Variants in MED24 observed in about 807,000 individuals in gnomAD.
The protein encoded by MED24 is mediator of RNA polymerase II transcription subunit 24.
MED24 carries 74 observed loss-of-function variants against 118.8 expected under a neutral mutation model. That is an observed-to-expected ratio of 0.62 (90% CI 0.52 to 0.76). The LOEUF (loss-of-function observed/expected upper bound fraction) is 0.76, where lower values mean the gene tolerates loss of function less well. MED24 is among the 30% of genes least tolerant of loss of function. The pLI is 0.00. For missense variants in MED24, 1,041 were observed against 1,278.9 expected, an observed-to-expected ratio of 0.81 and a Z score of 2.84; for synonymous variants, 521 against 523.9, an observed-to-expected ratio of 0.99 and a Z score of 0.08.
At position 40,028,939 on chromosome 17, in the gene MED24, C is replaced by T. The variant is rs146489775; in HGVS notation, c.1296G>A (p.Pro432=). Reference sequence around the variant, plus strand: ...GGCCCAGGACTCCCAGCAGTCCCTCCGGTGACTTAGAGTGGTCTGCATCCA... The same window carrying T: ...GGCCCAGGACTCCCAGCAGTCCCTCTGGTGACTTAGAGTGGTCTGCATCCA... ...KTMDADHSKS[P]EGLLGVLGHM... The change falls in exon 14 of 26, where the codon CCG becomes CCA. Residue 432 remains proline (P), a synonymous_variant. Transcript: ENST00000394128. The T allele has an allele frequency of 8.5e-4, 1,378 of 1,614,204 alleles. 12 individuals carry two copies. In the African/African-American group the frequency reaches 0.013, roughly 16 times the overall value.
chr17:40,045,815 T>A (rs1985110941), intron 3 of MED24, among the ~76,000 whole-genome samples: 1 of 152,174 alleles, frequency 6.6e-6, no homozygotes, highest in South Asian at 2.1e-4. Context: ...TCTCGCTCTG[T>A]CAACCAGGCT....
intron 3 of MED24, among the ~76,000 whole-genome samples, chr17:40,041,333 T>G (rs937528934): frequency 2.6e-5 from 4 of 152,158 alleles, no homozygotes; most frequent in Non-Finnish European, 5.9e-5. Flanking sequence ...CTCTTCAGAC[T>G]CCTATGAGGA....
chr17:40,032,935 A>C, intron 8 of MED24, 121 bp downstream of exon 8: 3 of 1,447,964 alleles, frequency 2.1e-6, no homozygotes, highest in South Asian at 2.6e-5. Context: ...ACTGGCACCC[A>C]CTTTCCATCA....
At chr17:40,023,507 C>T in intron 19 of MED24, 112 bp from the exon 20 acceptor site, 1 of 1,130,706 alleles carries the variant, frequency 8.8e-7, no homozygotes, top group African/African-American at 1.5e-5. Context: ...GGAAATCTCC[C>T]TGAGGCATTA....
rs1160925258 is a variant in MED24, at chr17:40,035,865, G to A, written c.253-70C>T. 2.1e-5 allele frequency: 31 copies of A among 1,445,690 alleles called. No homozygotes were observed. The East Asian group carries it at 7.1e-4, about 33-fold the overall frequency. The allele number at this position is 1,445,690 out of a possible 1,614,324, so 89.6% of individuals were successfully genotyped here. On this transcript the variant is annotated intron_variant, in intron 4 of 25. Coordinates refer to ENST00000394128, the MANE Select transcript of MED24 (RefSeq NM_014815.4). ...CCCCAGGTCTCACATGAGGCAGACG[G>A]TGCATTCAGGACTCCTGCTCCTCTC...
At chr17:40,053,814 C>T (rs1349168427) in intron 1 of MED24, 179 bp from the exon 2 acceptor site, 1 of 799,044 alleles carries the variant, frequency 1.3e-6, no homozygotes, top group Non-Finnish European at 1.9e-6. Context: ...CCTCCTGAAC[C>T]GCCCTTCCTT....
At chr17:40,025,615 T>C (rs1383872076) in intron 19 of MED24, among the ~76,000 whole-genome samples, 1 of 152,158 alleles carries the variant, frequency 6.6e-6, no homozygotes, top group Non-Finnish European at 1.5e-5. Context: ...TACACAACAG[T>C]GTGAATATAC....
Position 40,021,959 on chromosome 17 carries a change from G to C in MED24, c.2619C>G (p.Ser873Arg). The C allele has an allele frequency of 1.3e-6, 2 of 1,596,774 alleles. No homozygotes were observed. Among genetic ancestry groups the C allele is most frequent in the Non-Finnish European group, 1.7e-6 (2 of 1,170,860 alleles). The stretch of plus-strand genomic sequence containing the variant: ...GCGGCCAGCCCACACACTCACTGGG[G>C]CTCGAAAGGATGTTGGCATCGTCCT... ...SNEDDANILS[S>R]PTDRSMSSSL... The change falls in exon 23 of 26, where the codon AGC becomes AGG. Residue 873 changes from serine to arginine, a missense_variant. Physicochemically the swap from Ser to Arg is moderately radical, Grantham distance 110 (BLOSUM62 -1). Coordinates refer to ENST00000394128, the MANE Select transcript of MED24 (RefSeq NM_014815.4).
chr17:40,031,061 A>G, intron 12 of MED24, 98 bp downstream of exon 12: 1 of 1,244,440 alleles, frequency 8.0e-7, no homozygotes, highest in East Asian at 2.5e-5. Context: ...CTTGCAGCCC[A>G]AACTTTCGAC....
At chr17:40,049,836 C>A (rs1471981566) in intron 3 of MED24, among the ~76,000 whole-genome samples, 1 of 151,508 alleles carries the variant, frequency 6.6e-6, no homozygotes, top group Non-Finnish European at 1.5e-5. Flanking sequence ...AATTTTTCGA[C>A]TTTATGATGG....
Position 40,033,419 on chromosome 17 carries a change from A to T in MED24, c.597T>A (p.Leu199=). The T allele has an allele frequency of 6.2e-7, 1 of 1,607,984 alleles. No homozygotes were observed. The highest frequency in any genetic ancestry group is 8.5e-7 in the Non-Finnish European group (1 of 1,176,972). ...TGCTGAGATTGGCCAGGATCTCTCCAAGTTTCAAGAGAGAATGCTCGATGG... is the reference window on the plus strand; with the variant it reads ...TGCTGAGATTGGCCAGGATCTCTCCTAGTTTCAAGAGAGAATGCTCGATGG... ...WTAIEHSLLK[L]GEILANLSNP... is the part of the protein sequence containing the mutation. The change falls in exon 7 of 26, where the codon CTT becomes CTA. Residue 199 remains leucine (L), a synonymous_variant. Transcript: ENST00000394128. The surrounding 1 kb of genome is among the most constrained non-coding windows in gnomAD (Gnocchi z 5.2).
chr17:40,019,491 G>GCCAGTCC lies in MED24; in HGVS notation c.*31_*37dup. On this transcript the variant is annotated 3_prime_UTR_variant, in exon 26 of 26. Coordinates refer to ENST00000394128, the MANE Select transcript of MED24 (RefSeq NM_014815.4). The stretch of plus-strand genomic sequence containing the variant: ...TTCCCTTGGAGGCGCCTGGGGCTGC[G>GCCAGTCC]CCAGTCCCCAGCCCCCACTGCGGCC... 1.3e-6 allele frequency: 2 copies of GCCAGTCC among 1,567,006 alleles called. No individual in the cohort carries two copies. Among genetic ancestry groups the GCCAGTCC allele is most frequent in the Non-Finnish European group, 1.8e-6 (2 of 1,142,568 alleles).
chr17:40,026,936 G>A lies in MED24; in HGVS notation c.1629C>T (p.Asp543=). 6.2e-7 allele frequency: 1 copy of A among 1,614,192 alleles called. No individual in the cohort carries two copies. The highest frequency in any genetic ancestry group is 8.5e-7 in the Non-Finnish European group (1 of 1,180,028). The change falls in exon 17 of 26, where the codon GAC becomes GAT. Residue 543 remains aspartate, a synonymous_variant. Transcript: ENST00000394128. The part of the protein sequence containing the change: ...MPEEGKILNP[D]HPCFRPDSTK... ...TGGAGTCGGGGCGGAAGCAGGGGTGGTCAGGGTTCAGGATCTTGCCCTCCT... is the reference window on the plus strand; with the variant it reads ...TGGAGTCGGGGCGGAAGCAGGGGTGATCAGGGTTCAGGATCTTGCCCTCCT...
chr17:40,024,348 A>T (rs1028350302), intron 19 of MED24, among the ~76,000 whole-genome samples: 1 of 152,132 alleles, frequency 6.6e-6, no homozygotes, highest in African/African-American at 2.4e-5. Context: ...AGCCTGGCCA[A>T]CATGGTGAAA....
At chr17:40,028,101 G>T in intron 14 of MED24, 155 bp from the exon 15 acceptor site, 3 of 767,532 alleles carry the variant, frequency 3.9e-6, no homozygotes, top group South Asian at 1.7e-5. Context: ...GGTTTTTGTG[G>T]TTTTTGTTTT....
At chr17:40,020,810 C>T (rs564786149) in intron 23 of MED24, among the ~76,000 whole-genome samples, 15 of 151,978 alleles carry the variant, frequency 9.9e-5, no homozygotes, top group Admixed American at 4.6e-4. Context: ...TGGTGGCTCA[C>T]GCCTGTAATC....
rs761845982 is a variant in MED24, at chr17:40,023,227, C to A, written c.2154G>T (p.Val718=). 9.3e-6 allele frequency: 15 copies of A among 1,614,038 alleles called. No individual in the cohort carries two copies. The South Asian group carries it at 1.3e-4, about 14-fold the overall frequency. ...GGCTGTCCACCCAGCCCTTCTCCAGCACCTTGGCAAAAATGTCCGTCAGCA... is the reference window on the plus strand; with the variant it reads ...GGCTGTCCACCCAGCCCTTCTCCAGAACCTTGGCAAAAATGTCCGTCAGCA... The part of the protein sequence containing the change: ...KEVLTDIFAK[V]LEKGWVDSRS... Residue 718 remains valine, a synonymous_variant, in exon 20 of 26, where the codon GTG becomes GTT. Coordinates refer to ENST00000394128, the MANE Select transcript of MED24 (RefSeq NM_014815.4).
intron 15 of MED24, 181 bp from the exon 16 acceptor site, chr17:40,027,646 A>G (rs1982847920): frequency 1.5e-6 from 1 of 685,328 alleles, no homozygotes; most frequent in Non-Finnish European, 2.5e-6. Context: ...CTTGAGACCA[A>G]AGACCCCCAG....
intron 3 of MED24, among the ~76,000 whole-genome samples, chr17:40,040,021 G>A (rs1159716776): frequency 1.3e-5 from 2 of 151,576 alleles, no homozygotes; most frequent in Non-Finnish European, 2.9e-5. Flanking sequence ...CTGACCTCGT[G>A]ATCTGCCCAC....
Sources: gnomAD v4.1 joint callset for allele counts (sites outside exome capture counted in the v4.1 genomes callset) on GRCh38, gnomAD v4.1.1 for gene constraint, Gnocchi (gnomAD v3.1) non-coding constraint, MANE v1.5 for transcripts, NCBI Gene and HGNC (gene_info 2026-07-23, HGNC 2026-07-21) for gene names.